NRG3: variants seen among roughly 807,000 people sequenced by gnomAD.
NRG3 encodes neuregulin 3.
In NRG3, 31 loss-of-function variants were observed where a neutral mutation model predicts 66.9. That is an observed-to-expected ratio of 0.46 (90% CI 0.35 to 0.63). NRG3 has a LOEUF of 0.63. Among genes scored for constraint, NRG3 ranks in the 20% least tolerant of loss-of-function variants. NRG3 has a pLI of 0.00. For missense variants in NRG3, 910 were observed against 878.9 expected (o/e 1.04, Z -0.45); for synonymous variants, 393 against 359.4 (o/e 1.09, Z -1.06).
At chr10:82,953,421 T>C (rs1262882016) in intron 5 of NRG3, among the ~76,000 whole-genome samples, 1 of 152,008 alleles carries the variant, frequency 6.6e-6, no homozygotes, top group Non-Finnish European at 1.5e-5. Context: ...TTCTGCTAGA[T>C]GGTGGAGCTG....
chr10:82,894,550 T>G (rs1363838137), intron 4 of NRG3, among the ~76,000 whole-genome samples: 2 of 104,226 alleles, frequency 1.9e-5, no homozygotes, highest in East Asian at 6.0e-4. Flanking sequence ...TTTTCCTGTT[T>G]GAGATTTTTC....
intron 1 of NRG3, among the ~76,000 whole-genome samples, chr10:82,102,112 TCA>T (rs1564564474): frequency 1.4e-4 from 6 of 43,862 alleles, no homozygotes; most frequent in African/African-American, 2.9e-4. Flanking sequence ...ATATGTGTAT[TCA>T]TATATATATA....
chr10:82,656,974 A>G (rs1399399931), intron 2 of NRG3, among the ~76,000 whole-genome samples: 1 of 151,844 alleles, frequency 6.6e-6, no homozygotes, highest in Non-Finnish European at 1.5e-5. Context: ...CTGGCCTCCA[A>G]GCTCTCATTC....
intron 1 of NRG3, among the ~76,000 whole-genome samples, chr10:81,963,151 T>TTTTTG (rs745834169): frequency 3.0e-5 from 4 of 135,452 alleles, no homozygotes; most frequent in Non-Finnish European, 4.8e-5. Context: ...TTTTTTTTTT[T>TTTTTG]GAGACGGAGT....
chr10:82,690,005 C>T (rs1282843495), intron 2 of NRG3, among the ~76,000 whole-genome samples: 1 of 152,146 alleles, frequency 6.6e-6, no homozygotes, highest in Non-Finnish European at 1.5e-5. Context: ...ATGACCATTT[C>T]CTTACTTCTT....
chr10:82,917,335 C>A (rs914264944), intron 4 of NRG3, among the ~76,000 whole-genome samples: 2 of 152,150 alleles, frequency 1.3e-5, no homozygotes, highest in African/African-American at 4.8e-5. Context: ...AAAACAGACA[C>A]CAGTGGCTAT....
chr10:82,756,860 C>A (rs2059099779), intron 3 of NRG3, among the ~76,000 whole-genome samples: 1 of 150,436 alleles, frequency 6.6e-6, no homozygotes, highest in African/African-American at 2.4e-5. Flanking sequence ...CTGCATATTT[C>A]ATTGACTCTT....
intron 1 of NRG3, among the ~76,000 whole-genome samples, chr10:81,882,984 A>G (rs1421545319): frequency 6.6e-6 from 1 of 152,156 alleles, no homozygotes; most frequent in Admixed American, 6.5e-5. Context: ...TTGGGAGAAA[A>G]TGAGTGAGAT....
At chr10:82,341,593 T>C (rs1412621380) in intron 1 of NRG3, among the ~76,000 whole-genome samples, 6 of 152,114 alleles carry the variant, frequency 3.9e-5, no homozygotes, top group African/African-American at 1.4e-4. Flanking sequence ...TTATTTTATA[T>C]GTATATATCT....
intron 3 of NRG3, among the ~76,000 whole-genome samples, chr10:82,815,517 C>G (rs994070356): frequency 6.6e-6 from 1 of 152,150 alleles, no homozygotes; most frequent in African/African-American, 2.4e-5. Context: ...TTCTCTTGAG[C>G]TCTCTGCTTT....
chr10:82,826,499 C>T (rs892848546), intron 3 of NRG3, among the ~76,000 whole-genome samples: 1 of 151,980 alleles, frequency 6.6e-6, no homozygotes, highest in Non-Finnish European at 1.5e-5. Context: ...AGGAAACACA[C>T]ATAATCAACT....
chr10:82,801,130 C>T (rs1482802857), intron 3 of NRG3, among the ~76,000 whole-genome samples: 1 of 152,068 alleles, frequency 6.6e-6, no homozygotes, highest in Non-Finnish European at 1.5e-5. Context: ...TGGAACATGC[C>T]TATTAGGCAG....
chr10:82,517,671 ATG>A (rs140575448), intron 2 of NRG3, among the ~76,000 whole-genome samples: 58,965 of 132,630 alleles, frequency 0.44, 13,507 homozygotes, highest in African/African-American at 0.65. Flanking sequence ...GTGTGTGTGC[ATG>A]TGTGTGTGTG....
chr10:82,945,072 G>A (rs1398359801), intron 4 of NRG3, among the ~76,000 whole-genome samples: 1 of 152,128 alleles, frequency 6.6e-6, no homozygotes, highest in African/African-American at 2.4e-5. Flanking sequence ...CATTTTGGGA[G>A]CACCCCAGAA....
chr10:82,197,421 A>G (rs1484262607), intron 1 of NRG3, among the ~76,000 whole-genome samples: 2 of 152,190 alleles, frequency 1.3e-5, no homozygotes, highest in Non-Finnish European at 2.9e-5. Context: ...CAACTCTCCC[A>G]AACAAAACTA....
chr10:82,903,550 C>G (rs1303256327), intron 4 of NRG3, among the ~76,000 whole-genome samples: 1 of 152,058 alleles, frequency 6.6e-6, no homozygotes, highest in Non-Finnish European at 1.5e-5. Flanking sequence ...CTGCGGGTGC[C>G]TGCCATTTCA....
intron 1 of NRG3, among the ~76,000 whole-genome samples, chr10:82,044,558 A>G (rs1357920875): frequency 6.6e-6 from 1 of 151,948 alleles, no homozygotes; most frequent in Non-Finnish European, 1.5e-5. Flanking sequence ...ATCATAACGA[A>G]ATAATTTTTT....
chr10:82,700,882 G>A lies in NRG3; in HGVS notation c.954-37695G>A, dbSNP rs371139710. Among the ~76,000 whole-genome samples the A allele has an allele frequency of 1.1e-4, 16 of 152,152 alleles. No homozygotes were observed. In the East Asian group the frequency reaches 1.6e-3, roughly 15 times the overall value. ...AGTGATCTTGGACACAAGGGAACAC[G>A]TCACCTTTAACTCGTGTCACAGGAA... is the stretch of plus-strand genomic sequence containing the variant. On this transcript the variant is annotated intron_variant, in intron 2 of 8. Transcript: ENST00000372141.
At position 82,636,241 on chromosome 10, in the gene NRG3, CTG is replaced by C. The variant is rs1028118030; in HGVS notation, c.954-102318_954-102317del. Among the ~76,000 whole-genome samples, 632 of 141,460 alleles carry C rather than the reference CTG, an allele frequency of 4.5e-3. 1 individual carries two copies. The highest frequency in any genetic ancestry group is 9.1e-3 in the South Asian group (40 of 4,410). The allele number at this position is 141,460 out of a possible 152,430, so 92.8% of individuals were successfully genotyped here. On this transcript the variant is annotated intron_variant, in intron 2 of 8. Coordinates refer to ENST00000372141, the MANE Select transcript of NRG3 (RefSeq NM_001010848.4). ...TCTACATATGTGTGTGTGTGTGTGT[CTG>C]TGTGTGTGTGTGTGTGTAAATATGT...
Sources: allele counts gnomAD v4.1 joint callset (sites outside exome capture counted in the v4.1 genomes callset), GRCh38; gene constraint gnomAD v4.1.1; transcripts MANE v1.5; gene names NCBI Gene and HGNC (gene_info 2026-07-23, HGNC 2026-07-21).